Variants in DAP observed in about 807,000 individuals in gnomAD.
The protein encoded by DAP is death associated protein.
A neutral mutation model predicts 13.8 loss-of-function variants in DAP; 8 were observed. The ratio of observed to expected loss-of-function variants is 0.58; its 90% confidence interval spans 0.34 to 1.05. The LOEUF is 1.05. Among genes scored for constraint, DAP ranks in the 50% least tolerant of loss-of-function variants. The pLI, the probability that DAP is intolerant of heterozygous loss-of-function variation, is 0.03. For missense variants in DAP, 106 were observed against 133.2 expected (o/e 0.80, Z 1.01); for synonymous variants, 47 against 47.5 (o/e 0.99, Z 0.04).
At chr5:10,733,984 A>G (rs923767985) in intron 2 of DAP, 3 of 152,240 alleles carry the variant, frequency 2.0e-5, no homozygotes, top group Non-Finnish European at 2.9e-5. Context: ...GGTTATTATT[A>G]CATATTTCAT....
intron 1 of DAP, among the ~76,000 whole-genome samples, chr5:10,756,429 A>G (rs1197071215): frequency 6.6e-6 from 1 of 152,266 alleles, no homozygotes; most frequent in Non-Finnish European, 1.5e-5. Context: ...AGGGAGAATT[A>G]CACTAGACTT....
At chr5:10,730,244 G>A (rs927196092) in intron 2 of DAP, among the ~76,000 whole-genome samples, 6 of 152,226 alleles carry the variant, frequency 3.9e-5, no homozygotes, top group African/African-American at 4.8e-5. Flanking sequence ...TGGCACAGAC[G>A]AGGCACTTAC....
intron 2 of DAP, among the ~76,000 whole-genome samples, chr5:10,743,541 C>T (rs370109556): frequency 6.6e-6 from 1 of 152,220 alleles, no homozygotes; most frequent in African/African-American, 2.4e-5. Flanking sequence ...TTTACCCCTC[C>T]TGTTATCCAT....
At chr5:10,740,457 T>A (rs1477876393) in intron 2 of DAP, among the ~76,000 whole-genome samples, 2 of 152,146 alleles carry the variant, frequency 1.3e-5, no homozygotes, top group Non-Finnish European at 2.9e-5. Flanking sequence ...CCAAGTAAGA[T>A]ACATACAAAG....
intron 1 of DAP, among the ~76,000 whole-genome samples, 188 bp downstream of exon 1, chr5:10,760,826 T>G (rs955765457): frequency 2.0e-5 from 3 of 151,778 alleles, no homozygotes; most frequent in Non-Finnish European, 2.9e-5. Flanking sequence ...GGGCCGAAGC[T>G]CCGGCGGGCT....
chr5:10,750,198 G>T (rs949767676), intron 1 of DAP, among the ~76,000 whole-genome samples: 2 of 152,086 alleles, frequency 1.3e-5, no homozygotes, highest in African/African-American at 4.8e-5. Flanking sequence ...AAACTGAGTG[G>T]ACCCTGCCGA....
chr5:10,684,189 T>C (rs530703811), intron 2 of DAP, among the ~76,000 whole-genome samples: 1 of 152,220 alleles, frequency 6.6e-6, no homozygotes, highest in Non-Finnish European at 1.5e-5. Context: ...TTGGATTTAA[T>C]GAGATCGTGA....
At chr5:10,716,968 T>C (rs998529503) in intron 2 of DAP, among the ~76,000 whole-genome samples, 17 of 152,334 alleles carry the variant, frequency 1.1e-4, no homozygotes, top group African/African-American at 3.8e-4. Flanking sequence ...TCTAATAGTA[T>C]GGAGAATACT....
chr5:10,707,650 G>C lies in DAP; in HGVS notation c.153-24079C>G, dbSNP rs924907393. Among the ~76,000 whole-genome samples, 3 of 151,912 alleles carry C rather than the reference G, an allele frequency of 2.0e-5. No individual in the cohort carries two copies. Among genetic ancestry groups the C allele is most frequent in the African/African-American group, 7.3e-5 (3 of 41,330 alleles). On this transcript the variant is annotated intron_variant, in intron 2 of 3. Coordinates refer to ENST00000230895, the MANE Select transcript of DAP (RefSeq NM_004394.3). This position sits in a 1 kb window ranked among gnomAD's most constrained non-coding sequence, Gnocchi z 4.0. Reference sequence around the variant, plus strand: ...TGATGTACAGGTGGTGTGATGCACGGGTGGTGTGATTTGCGATCAGTGTGG... The same window carrying C: ...TGATGTACAGGTGGTGTGATGCACGCGTGGTGTGATTTGCGATCAGTGTGG...
At position 10,708,242 on chromosome 5, in the gene DAP, C is replaced by A. The variant is rs3756409; in HGVS notation, c.153-24671G>T. Among the ~76,000 whole-genome samples, 209 of 152,170 alleles carry A rather than the reference C, an allele frequency of 1.4e-3. 5 individuals are homozygous for A. The East Asian group carries it at 0.038, about 28-fold the overall frequency. ...GGCTTTCCTACATTTTCAGTATGAC[C>A]CACAATAAAAACCTGGATCATTTTA... On this transcript the variant is annotated intron_variant, in intron 2 of 3. Coordinates refer to ENST00000230895, the MANE Select transcript of DAP (RefSeq NM_004394.3).
intron 2 of DAP, among the ~76,000 whole-genome samples, chr5:10,729,353 C>G (rs1172369394): frequency 6.6e-6 from 1 of 152,184 alleles, no homozygotes; most frequent in African/African-American, 2.4e-5. Context: ...TATTTCTACT[C>G]CATCATCTTA....
At chr5:10,685,163 G>C (rs1275893651) in intron 2 of DAP, among the ~76,000 whole-genome samples, 1 of 151,424 alleles carries the variant, frequency 6.6e-6, no homozygotes, top group Non-Finnish European at 1.5e-5. Context: ...AGTAATTTCT[G>C]TTACTTCGCG....
chr5:10,760,967 C>T (rs778935780), intron 1 of DAP, 47 bp downstream of exon 1: 3 of 1,179,554 alleles, frequency 2.5e-6, no homozygotes, highest in Non-Finnish European at 2.1e-6. Flanking sequence ...CGGGTTCGAG[C>T]CCGCCCCCGG....
intron 2 of DAP, among the ~76,000 whole-genome samples, chr5:10,717,802 A>G (rs1032004125): frequency 1.3e-5 from 2 of 151,960 alleles, no homozygotes. Context: ...TGACTAGTGT[A>G]GAGCTATGGC....
chr5:10,714,019 T>G (rs750541842), intron 2 of DAP, among the ~76,000 whole-genome samples: 1 of 152,230 alleles, frequency 6.6e-6, no homozygotes, highest in Non-Finnish European at 1.5e-5. Flanking sequence ...AAAGGGCATA[T>G]GGGGTGTAGA....
intron 2 of DAP, among the ~76,000 whole-genome samples, chr5:10,692,167 C>A (rs1172422459): frequency 6.6e-6 from 1 of 152,194 alleles, no homozygotes; most frequent in Non-Finnish European, 1.5e-5. Flanking sequence ...CAAACAGCAA[C>A]TATTTAACTC....
intron 2 of DAP, among the ~76,000 whole-genome samples, chr5:10,725,623 T>A (rs5745211): frequency 0.089 from 13,484 of 152,224 alleles, 814 homozygotes; most frequent in African/African-American, 0.17. Flanking sequence ...TGGAAAGCAG[T>A]CCCTAATAAT....
intron 2 of DAP, among the ~76,000 whole-genome samples, chr5:10,711,558 TACTC>T (rs545731561): frequency 1.8e-3 from 271 of 152,344 alleles, no homozygotes; most frequent in African/African-American, 6.3e-3. Flanking sequence ...TACGCTCTCT[TACTC>T]TATCGGCATT....
chr5:10,756,596 T>C (rs913874146), intron 1 of DAP, among the ~76,000 whole-genome samples: 3 of 152,222 alleles, frequency 2.0e-5, no homozygotes, highest in African/African-American at 7.2e-5. Flanking sequence ...TAGAGTCTGC[T>C]TTTCAAAGAA....
Sources: allele counts gnomAD v4.1 joint callset (sites outside exome capture counted in the v4.1 genomes callset), GRCh38; gene constraint gnomAD v4.1.1; non-coding constraint Gnocchi (gnomAD v3.1); transcripts MANE v1.5; gene names NCBI Gene and HGNC (gene_info 2026-07-23, HGNC 2026-07-21).